Variants in ABCA9 observed in about 807,000 individuals in gnomAD.
ABCA9 encodes ATP binding cassette subfamily A member 9, also known as ATP-binding cassette sub-family A member 9.
In ABCA9, 183 loss-of-function variants were observed where a neutral mutation model predicts 205.3. The ratio of observed to expected loss-of-function variants is 0.89; its 90% CI spans 0.79 to 1.01. ABCA9 has a LOEUF of 1.01. Ranked by LOEUF, ABCA9 falls within the 50% of genes least tolerant of loss-of-function variation. The probability of loss-of-function intolerance (pLI) is 0.00; values close to 1 mark genes in which losing one functional copy is unlikely to be tolerated. For missense variants in ABCA9, 1,805 were observed against 1,912.4 expected (o/e 0.94, Z 1.05); for synonymous variants, 651 against 683.3 (o/e 0.95, Z 0.74).
chr17:69,043,653 T>C lies in ABCA9; in HGVS notation c.636A>G (p.Ile212Met), dbSNP rs760493349. 8.1e-6 allele frequency: 13 copies of C among 1,613,764 alleles called. 1 individual carries two copies. The South Asian group carries it at 1.2e-4, about 15-fold the overall frequency. ...CTCCTCCTTGGGCAACAAAAGGTAATATCTTCATATGTACACCAGTAACTG... is the reference window on the plus strand; with the variant it reads ...CTCCTCCTTGGGCAACAAAAGGTAACATCTTCATATGTACACCAGTAACTG... Reference protein sequence around the residue: ...LMSVTGVHMKILPFVAQGGVA... With the variant: ...LMSVTGVHMKMLPFVAQGGVA... Residue 212 changes from isoleucine to methionine, a missense_variant, in exon 6 of 39, where the codon ATA becomes ATG. Transcript: ENST00000340001.
chr17:68,993,530 C>A (rs918145296), intron 26 of ABCA9, among the ~76,000 whole-genome samples: 1 of 152,246 alleles, frequency 6.6e-6, no homozygotes, highest in Admixed American at 6.5e-5. Context: ...TCTTTTCAAA[C>A]TGAAGACAAA....
Position 69,023,525 on chromosome 17 carries a change from T to C in ABCA9, c.2281+689A>G, listed in dbSNP as rs1009711776. Among the ~76,000 whole-genome samples the C allele has an allele frequency of 1.3e-5, 2 of 152,226 alleles. No homozygotes were observed. Among genetic ancestry groups the C allele is most frequent in the African/African-American group, 4.8e-5 (2 of 41,456 alleles). On this transcript the variant is annotated intron_variant, in intron 17 of 38. Coordinates refer to ENST00000340001, the MANE Select transcript of ABCA9 (RefSeq NM_080283.4). The surrounding 1 kb of genome is among the most constrained non-coding windows in gnomAD (Gnocchi z 4.2). ...TCTGTGTTTCTTTATGGACCAAGGT[T>C]ATGTCATGCTTATTGATTCAAGCAT... is the stretch of plus-strand genomic sequence containing the variant.
intron 23 of ABCA9, among the ~76,000 whole-genome samples, chr17:69,010,654 G>C (rs2070339092): frequency 6.6e-6 from 1 of 152,118 alleles, no homozygotes; most frequent in African/African-American, 2.4e-5. Context: ...GGAATTAATT[G>C]CAAATAAGGA....
Position 69,005,349 on chromosome 17 carries a change from G to C in ABCA9, c.3435+2410C>G, listed in dbSNP as rs76985292. Among the ~76,000 whole-genome samples the C allele has an allele frequency of 4.4e-3, 663 of 152,202 alleles. 7 individuals carry two copies. Among genetic ancestry groups the C allele is most frequent in the African/African-American group, 0.015 (635 of 41,524 alleles). On this transcript the variant is annotated intron_variant, in intron 25 of 38. Coordinates refer to ENST00000340001, the MANE Select transcript of ABCA9 (RefSeq NM_080283.4). ...GTAGGCAGTGAATCTCATTGTCAAG[G>C]GGTGGGCACCCTATTAGACGTTGGG...
At chr17:68,979,631 A>G (rs1159644764) in intron 37 of ABCA9, among the ~76,000 whole-genome samples, 1 of 151,980 alleles carries the variant, frequency 6.6e-6, no homozygotes, top group Non-Finnish European at 1.5e-5. Context: ...ATAATGCCAC[A>G]TATCTACAAC....
intron 22 of ABCA9, among the ~76,000 whole-genome samples, chr17:69,012,901 C>T (rs2070435889): frequency 6.6e-6 from 1 of 152,128 alleles, no homozygotes; most frequent in Admixed American, 6.6e-5. Flanking sequence ...TGGTAACCAT[C>T]ATTTGACTAC....
chr17:69,075,773 A>G, the ABCA9 span, among the ~76,000 whole-genome samples: 3 of 152,146 alleles, frequency 2.0e-5, no homozygotes, highest in African/African-American at 7.2e-5. Flanking sequence ...ATGAAAAATG[A>G]CATTAATAGT....
chr17:68,983,682 G>C (rs769463499), intron 36 of ABCA9, 27 bp downstream of exon 36: 2 of 1,611,368 alleles, frequency 1.2e-6, no homozygotes, highest in East Asian at 4.5e-5. Flanking sequence ...ACCAAGGACT[G>C]TGATAAAACA....
chr17:69,054,614 A>G (rs2072011136), intron 1 of ABCA9, among the ~76,000 whole-genome samples: 1 of 151,976 alleles, frequency 6.6e-6, no homozygotes, highest in Non-Finnish European at 1.5e-5. Context: ...AGGTACAATA[A>G]AAACTTTTTC....
At chr17:69,011,943 TA>T in intron 23 of ABCA9, 32 bp downstream of exon 23, 3 of 1,501,922 alleles carry the variant, frequency 2.0e-6, no homozygotes, top group Non-Finnish European at 2.7e-6. Context: ...TCTCTAGATA[TA>T]AAAAACATGT....
At position 69,007,856 on chromosome 17, in the gene ABCA9, C is replaced by G. The variant is rs376048173; in HGVS notation, c.3338G>C (p.Gly1113Ala). 1 of 1,600,492 alleles carries G rather than the reference C, an allele frequency of 6.2e-7. No individual in the cohort carries two copies. The highest frequency in any genetic ancestry group is 1.3e-5 in the African/African-American group (1 of 74,614). The stretch of plus-strand genomic sequence containing the variant: ...CAAGAAAACAAGAGATGAGACATAG[C>G]CAATACTACACAGGATCTGAAAACA... The part of the protein sequence containing the change: ...NLLIQILCSI[G>A]YVSSLVFLTY... Residue 1113 changes from glycine to alanine, a missense_variant, in exon 25 of 39, where the codon GGC (glycine) becomes GCC (alanine). By Grantham distance (60) the Gly-to-Ala change is moderately conservative. Coordinates refer to ENST00000340001, the MANE Select transcript of ABCA9 (RefSeq NM_080283.4).
chr17:68,988,699 T>G (rs2069332763), intron 31 of ABCA9, among the ~76,000 whole-genome samples: 1 of 152,220 alleles, frequency 6.6e-6, no homozygotes, highest in African/African-American at 2.4e-5. Context: ...GACAGTGGTT[T>G]CTGGTGTCAT....
At chr17:68,989,294 A>ACACACC (rs1360251510) in intron 30 of ABCA9, among the ~76,000 whole-genome samples, 176 bp from the exon 31 acceptor site, 1 of 146,322 alleles carries the variant, frequency 6.8e-6, no homozygotes, top group Non-Finnish European at 1.5e-5. Flanking sequence ...ACACACACAC[A>ACACACC]CCCCTGAGCA....
At chr17:69,007,646 T>A (rs2070195116) in intron 25 of ABCA9, 113 bp downstream of exon 25, 6 of 664,928 alleles carry the variant, frequency 9.0e-6, no homozygotes, top group Middle Eastern at 4.3e-4. Flanking sequence ...CTTAGAAGAA[T>A]TAAAATTTTC....
chr17:69,076,917 T>G, the ABCA9 span, among the ~76,000 whole-genome samples: 1 of 152,104 alleles, frequency 6.6e-6, no homozygotes, highest in Non-Finnish European at 1.5e-5. Context: ...TCTTTTTTAG[T>G]CTAGCTAGTT....
intron 5 of ABCA9, among the ~76,000 whole-genome samples, 168 bp from the exon 6 acceptor site, chr17:69,043,883 C>T (rs1312713700): frequency 6.6e-6 from 1 of 152,146 alleles, no homozygotes; most frequent in Non-Finnish European, 1.5e-5. Context: ...TAGGTTTTGT[C>T]GTGACTCCTT....
At chr17:68,989,756 G>C (rs2069382948) in intron 30 of ABCA9, 57 bp downstream of exon 30, 12 of 1,058,550 alleles carry the variant, frequency 1.1e-5, no homozygotes, top group Non-Finnish European at 1.7e-5. Flanking sequence ...CTTATTCCCT[G>C]AATAATCCAG....
chr17:69,037,217 A>G (rs1365144805), intron 6 of ABCA9, among the ~76,000 whole-genome samples: 3 of 152,206 alleles, frequency 2.0e-5, no homozygotes, highest in Non-Finnish European at 4.4e-5. Flanking sequence ...AAGCAGACCT[A>G]ATAGACATCT....
At position 69,018,508 on chromosome 17, in the gene ABCA9, C is replaced by A; in HGVS notation, c.2672G>T (p.Ser891Ile). The A allele has an allele frequency of 6.2e-7, 1 of 1,608,092 alleles. No individual in the cohort carries two copies. Among genetic ancestry groups the A allele is most frequent in the Non-Finnish European group, 8.5e-7 (1 of 1,177,522 alleles). The change falls in exon 20 of 39, where the codon AGT becomes ATT. Residue 891 changes from serine (S) to isoleucine (I), a missense_variant. Coordinates refer to ENST00000340001, the MANE Select transcript of ABCA9 (RefSeq NM_080283.4). The part of the protein sequence containing the change: ...EHLFYESYQK[S>I]YPWELSPNTY... Reference sequence around the variant, plus strand: ...ATTTGGAGACAGTTCCCACGGGTAACTTTTCTGATATGACTCGTAGAATAG... The same window carrying A: ...ATTTGGAGACAGTTCCCACGGGTAAATTTTCTGATATGACTCGTAGAATAG...
Sources: gnomAD v4.1 joint callset for allele counts (sites outside exome capture counted in the v4.1 genomes callset) on GRCh38, gnomAD v4.1.1 for gene constraint, Gnocchi (gnomAD v3.1) non-coding constraint, MANE v1.5 for transcripts, NCBI Gene and HGNC (gene_info 2026-07-23, HGNC 2026-07-21) for gene names.